ZNF331: variants seen among roughly 807,000 people sequenced by gnomAD.
ZNF331 encodes C2H2-like zinc finger protein rearranged in thyroid adenomas.
In ZNF331, 2 loss-of-function variants were observed where a neutral mutation model predicts 7.0. The ratio of observed to expected loss-of-function variants is 0.29; its 90% confidence interval spans 0.12 to 0.90. ZNF331 has a LOEUF of 0.90. ZNF331 is among the 40% of genes least tolerant of loss of function. ZNF331 has a pLI of 0.58. For missense variants in ZNF331, 432 were observed against 587.7 expected, an observed-to-expected ratio of 0.74 and a Z score of 2.74; for synonymous variants, 196 against 205.4, an observed-to-expected ratio of 0.95 and a Z score of 0.39.
upstream of ZNF331, among the ~76,000 whole-genome samples, chr19:53,536,078 A>G (rs749803025): frequency 6.6e-6 from 1 of 152,212 alleles, no homozygotes; most frequent in Non-Finnish European, 1.5e-5. Context: ...TGCTGGGATT[A>G]CAGGTGTGAG....
upstream of ZNF331, among the ~76,000 whole-genome samples, chr19:53,536,533 CTA>C (rs2087755824): frequency 1.3e-5 from 2 of 152,198 alleles, no homozygotes; most frequent in African/African-American, 4.8e-5. Flanking sequence ...GAAATGTACT[CTA>C]TGTCATTGTA....
rs377282635 is a variant in ZNF331, at chr19:53,571,625, G to C, written c.31G>C (p.Val11Leu). 2 of 1,613,880 alleles carry C rather than the reference G, an allele frequency of 1.2e-6. No individual in the cohort carries two copies. Among genetic ancestry groups the C allele is most frequent in the Non-Finnish European group, 1.7e-6 (2 of 1,179,986 alleles). ...TCAGGGTTTGGTGACGTTCGCCGAC[G>C]TAGCCATAGACTTTTCTCAGGAGGA... MAQGLVTFADVAIDFSQEEWA... is the reference protein window; with the variant it reads MAQGLVTFADLAIDFSQEEWA... The change falls in exon 5 of 6, where the codon GTA (valine) becomes CTA (leucine). Residue 11 changes from valine (V) to leucine (L), a missense_variant. By Grantham distance (32) the Val-to-Leu change is conservative. Around this residue, in one of 3 missense-constraint regions of ZNF331, gnomAD observed 39 missense variants for 68.8 expected, o/e 0.57. Transcript: ENST00000449416. The surrounding 1 kb of genome is among the most constrained non-coding windows in gnomAD (Gnocchi z 4.7).
chr19:53,554,891 G>C (rs1568500031), intron 2 of ZNF331: 1 of 153,078 alleles, frequency 6.5e-6, no homozygotes, highest in South Asian at 2.1e-4. Flanking sequence ...TCTGTGAGGT[G>C]CGCTCTGGGG....
Position 53,566,482 on chromosome 19 carries a change from T to G in ZNF331, c.-73-2822T>G, listed in dbSNP as rs1046916033. Among the ~76,000 whole-genome samples the G allele has an allele frequency of 3.3e-5, 5 of 152,166 alleles. No homozygotes were observed. The East Asian group carries it at 9.6e-4, about 29-fold the overall frequency. On this transcript the variant is annotated intron_variant, in intron 3 of 5. Coordinates refer to ENST00000449416, the MANE Select transcript of ZNF331 (RefSeq NM_001079906.2). ...TAATTTTTGTATGGTAGTGCAAGGT[T>G]TTGATCAGGGTTCATGCACACACTG...
chr19:53,530,777 G>A (rs1448025986), intron 2 of ZNF331, among the ~76,000 whole-genome samples: 6 of 152,216 alleles, frequency 3.9e-5, no homozygotes, highest in Non-Finnish European at 8.8e-5. Context: ...ATCCGCAGGG[G>A]TAACCGGGAC....
Position 53,569,359 on chromosome 19 carries a change from T to C in ZNF331, c.-18T>C. 1.2e-6 allele frequency: 2 copies of C among 1,613,770 alleles called. No homozygotes were observed. The highest frequency in any genetic ancestry group is 1.3e-5 in the African/African-American group (1 of 75,040). ...TGGAAACCCCGAGAAGACTGATCAGTTCTTCAGTTCTAAAACAATGGCCCA... is the reference window on the plus strand; with the variant it reads ...TGGAAACCCCGAGAAGACTGATCAGCTCTTCAGTTCTAAAACAATGGCCCA... On this transcript the variant is annotated 5_prime_UTR_variant, in exon 4 of 6. Coordinates refer to ENST00000449416, the MANE Select transcript of ZNF331 (RefSeq NM_001079906.2).
intron 2 of ZNF331, among the ~76,000 whole-genome samples, chr19:53,525,012 T>A (rs1480406412): frequency 6.6e-6 from 1 of 152,244 alleles, no homozygotes; most frequent in Non-Finnish European, 1.5e-5. Flanking sequence ...CACCATTTAT[T>A]AAAAACGGAA....
intron 5 of ZNF331, among the ~76,000 whole-genome samples, chr19:53,574,542 A>G (rs1049658480): frequency 1.2e-4 from 8 of 64,010 alleles, no homozygotes; most frequent in Admixed American, 8.6e-4. Context: ...CCACGCCTTT[A>G]GTAGCGGGTA....
intron 3 of ZNF331, among the ~76,000 whole-genome samples, chr19:53,567,307 C>A (rs1175679168): frequency 6.6e-6 from 1 of 152,066 alleles, no homozygotes; most frequent in East Asian, 1.9e-4. Context: ...ATCTAGAGGC[C>A]AGAAGAGGCC....
chr19:53,508,290 C>G, the ZNF331 span, among the ~76,000 whole-genome samples: 1 of 152,158 alleles, frequency 6.6e-6, no homozygotes, highest in Non-Finnish European at 1.5e-5. Context: ...ACTTTTGACC[C>G]ACTTCTGGAG....
At chr19:53,564,034 A>C (rs1346430410) in intron 3 of ZNF331, among the ~76,000 whole-genome samples, 2 of 35,866 alleles carry the variant, frequency 5.6e-5, no homozygotes, top group Admixed American at 5.1e-4. Flanking sequence ...TTCATCTCAA[A>C]AAAAAAAAAA....
At chr19:53,545,826 T>C (rs1165507759) in intron 2 of ZNF331, among the ~76,000 whole-genome samples, 3 of 152,170 alleles carry the variant, frequency 2.0e-5, no homozygotes, top group Non-Finnish European at 2.9e-5. Flanking sequence ...GTGTTCTCCG[T>C]ACCGGCTCCT....
upstream of ZNF331, among the ~76,000 whole-genome samples, chr19:53,535,977 T>C (rs2087732601): frequency 6.6e-6 from 1 of 152,148 alleles, no homozygotes; most frequent in African/African-American, 2.4e-5. Flanking sequence ...CTAATTTTTG[T>C]ATTTTCAGTA....
chr19:53,537,980 C>T (rs2087844644), upstream of ZNF331: 1 of 152,136 alleles, frequency 6.6e-6, no homozygotes, highest in African/African-American at 2.4e-5. Flanking sequence ...TATCGGGGGT[C>T]TGTGTACGCT....
chr19:53,577,706 G>A lies in ZNF331; in HGVS notation c.1146G>A (p.Pro382=), dbSNP rs78728132. ...AGAGAATCCACACAGGCGAAACCCC[G>A]TATAAATGTAAGGAGTGTGGGAAGG... is the stretch of plus-strand genomic sequence containing the variant. The part of the protein sequence containing the change: ...QHERIHTGET[P]YKCKECGKAF... Residue 382 remains proline (P), a synonymous_variant, in exon 6 of 6, where the codon CCG becomes CCA. Coordinates refer to ENST00000449416, the MANE Select transcript of ZNF331 (RefSeq NM_001079906.2). The A allele has an allele frequency of 9.6e-5, 155 of 1,613,600 alleles. No homozygotes were observed. The East Asian group carries it at 1.2e-3, about 12-fold the overall frequency.
At chr19:53,507,734 C>T in the ZNF331 span, among the ~76,000 whole-genome samples, 2 of 152,066 alleles carry the variant, frequency 1.3e-5, no homozygotes, top group African/African-American at 4.8e-5. Flanking sequence ...TGTGGGGGCT[C>T]CAGCCTGTAA....
upstream of ZNF331, among the ~76,000 whole-genome samples, chr19:53,533,607 G>A (rs56110542): frequency 6.6e-6 from 1 of 152,104 alleles, no homozygotes; most frequent in East Asian, 1.9e-4. Flanking sequence ...TTCAATTATT[G>A]TATTGCAGTC....
At position 53,558,917 on chromosome 19, in the gene ZNF331, TATACACACAC is replaced by T. The variant is rs1320827204; in HGVS notation, c.-74+3018_-74+3027del. On this transcript the variant is annotated intron_variant, in intron 3 of 5. Transcript: ENST00000449416. This position sits in a 1 kb window ranked among gnomAD's most constrained non-coding sequence, Gnocchi z 4.5. ...ATACACACCTATACACACCTACATA[TATACACACAC>T]ATACACACCATACACACATATACAC... Among the ~76,000 whole-genome samples, 3 of 136,394 alleles carry T rather than the reference TATACACACAC, an allele frequency of 2.2e-5. No homozygotes were observed. Among genetic ancestry groups the T allele is most frequent in the Non-Finnish European group, 4.5e-5 (3 of 66,088 alleles). 89.5% of individuals were successfully genotyped at this position (136,394 alleles called of 152,430 possible).
intron 2 of ZNF331, among the ~76,000 whole-genome samples, chr19:53,550,030 T>C (rs1219379707): frequency 1.3e-5 from 2 of 152,342 alleles, no homozygotes; most frequent in African/African-American, 4.8e-5. Flanking sequence ...ATCCACATAT[T>C]TTTTGATTTA....
Sources: gnomAD v4.1 joint callset for allele counts (sites outside exome capture counted in the v4.1 genomes callset) on GRCh38, gnomAD v4.1.1 for gene constraint, gnomAD v4.1.1 regional missense constraint, Gnocchi (gnomAD v3.1) non-coding constraint, MANE v1.5 for transcripts, NCBI Gene and HGNC (gene_info 2026-07-23, HGNC 2026-07-21) for gene names.